The following FBXO42 variants were observed in gnomAD, a reference collection of about 807,000 sequenced individuals.
FBXO42 encodes F-box only protein 42.
FBXO42 carries 12 observed loss-of-function variants against 71.7 expected under a neutral mutation model. The ratio of observed to expected loss-of-function variants is 0.17; its 90% CI spans 0.11 to 0.27. The LOEUF is 0.27. Among genes scored for constraint, FBXO42 ranks in the 10% least tolerant of loss-of-function variants. The probability of loss-of-function intolerance (pLI) is 1.00; values close to 1 mark genes in which losing one functional copy is unlikely to be tolerated. For missense variants in FBXO42, 707 were observed against 911.9 expected (o/e 0.78, Z 2.89); for synonymous variants, 325 against 327.5 (o/e 0.99, Z 0.08).
intron 4 of FBXO42, among the ~76,000 whole-genome samples, chr1:16,291,739 A>T (rs1338010237): frequency 2.6e-5 from 4 of 151,192 alleles, no homozygotes; most frequent in Admixed American, 2.0e-4. Context: ...TGGAGCAATC[A>T]TCACTCACTG....
chr1:16,284,595 G>A (rs2082001196), intron 4 of FBXO42, among the ~76,000 whole-genome samples: 1 of 152,150 alleles, frequency 6.6e-6, no homozygotes, highest in South Asian at 2.1e-4. Context: ...ACTTTGGGAG[G>A]CCAAGATGGG....
At chr1:16,319,479 G>A (rs2082395331) in intron 1 of FBXO42, among the ~76,000 whole-genome samples, 2 of 152,200 alleles carry the variant, frequency 1.3e-5, no homozygotes, top group Non-Finnish European at 2.9e-5. Flanking sequence ...CAAATTGGTG[G>A]CTACTTGGAA....
At position 16,258,799 on chromosome 1, in the gene FBXO42, C is replaced by A. The variant is rs11260713; in HGVS notation, c.503-2040G>T. 2.6e-5 allele frequency among the ~76,000 whole-genome samples: 4 copies of A among 152,154 alleles called. No individual in the cohort carries two copies. The South Asian group carries it at 8.3e-4, about 32-fold the overall frequency. On this transcript the variant is annotated intron_variant, in intron 4 of 9. Coordinates refer to ENST00000375592, the MANE Select transcript of FBXO42 (RefSeq NM_018994.3). ...TCACCCAGGCTAGAGTGCAGTGATG[C>A]GATCATGGCTCACTGCAGCCTCGAC...
At chr1:16,319,018 T>C (rs2082392525) in intron 1 of FBXO42, among the ~76,000 whole-genome samples, 1 of 152,182 alleles carries the variant, frequency 6.6e-6, no homozygotes, top group African/African-American at 2.4e-5. Flanking sequence ...ATACATTTAT[T>C]TCTCTTGCTC....
At chr1:16,346,574 G>C (rs965749130) in intron 1 of FBXO42, among the ~76,000 whole-genome samples, 3 of 151,534 alleles carry the variant, frequency 2.0e-5, no homozygotes, top group Admixed American at 6.6e-5. Flanking sequence ...TGTAGTCCCA[G>C]CTACTGAGGA....
intron 1 of FBXO42, among the ~76,000 whole-genome samples, chr1:16,334,581 A>G (rs2082534486): frequency 6.6e-6 from 1 of 152,136 alleles, no homozygotes; most frequent in African/African-American, 2.4e-5. Context: ...ACATAATTTC[A>G]CTGCTTCATG....
At chr1:16,330,410 G>A (rs144764415) in intron 1 of FBXO42, among the ~76,000 whole-genome samples, 7 of 152,012 alleles carry the variant, frequency 4.6e-5, no homozygotes, top group Non-Finnish European at 7.4e-5. Flanking sequence ...TGGGGGCTGG[G>A]GTGGAAGGAT....
At position 16,350,756 on chromosome 1, in the gene FBXO42, AAAAAG is replaced by A. The variant is rs1400491087; in HGVS notation, c.-18+1494_-18+1498del. Among the ~76,000 whole-genome samples, 562 of 128,458 alleles carry A rather than the reference AAAAAG, an allele frequency of 4.4e-3. 2 individuals carry two copies. Among genetic ancestry groups the A allele is most frequent in the African/African-American group, 8.7e-3 (311 of 35,804 alleles). 84.3% of individuals were successfully genotyped at this position (128,458 alleles called of 152,430 possible). A position where few individuals can be genotyped will look rare whatever the true frequency, so the allele number is the denominator to read the frequency against. ...AGTGAGAAACTGCAAAAAAAAAAAAAAAAAGAAAGAAAGAAAGAAAGAAAGAAAGA... is the reference window on the plus strand; with the variant it reads ...AGTGAGAAACTGCAAAAAAAAAAAAAAAAGAAAGAAAGAAAGAAAGAAAGA... On this transcript the variant is annotated intron_variant, in intron 1 of 9. Transcript: ENST00000375592.
chr1:16,327,124 C>T (rs1198586134), intron 1 of FBXO42, among the ~76,000 whole-genome samples: 3 of 152,182 alleles, frequency 2.0e-5, no homozygotes, highest in African/African-American at 4.8e-5. Flanking sequence ...CATTAGTAGA[C>T]ACCTTAACAA....
rs554194696 is a variant in FBXO42 at position 16,260,501 on chromosome 1, G to A, written c.503-3742C>T. 4.6e-4 allele frequency among the ~76,000 whole-genome samples: 70 copies of A among 151,998 alleles called. 2 individuals are homozygous for A. In the South Asian group the frequency reaches 6.5e-3, roughly 14 times the overall value. On this transcript the variant is annotated intron_variant, in intron 4 of 9. Coordinates refer to ENST00000375592, the MANE Select transcript of FBXO42 (RefSeq NM_018994.3). Reference sequence around the variant, plus strand: ...TAGGATTACAGGTGTGAGCCACCGCGCCTGGCCCAATTACTATGCAGCTTT... The same window carrying A: ...TAGGATTACAGGTGTGAGCCACCGCACCTGGCCCAATTACTATGCAGCTTT...
At chr1:16,347,803 C>G (rs980162326) in intron 1 of FBXO42, among the ~76,000 whole-genome samples, 2 of 152,062 alleles carry the variant, frequency 1.3e-5, no homozygotes, top group Non-Finnish European at 2.9e-5. Flanking sequence ...TCCTGGCTAA[C>G]ACAGTGAAAC....
rs1205651282 is a variant in FBXO42 at position 16,249,379 on chromosome 1, G to A, written c.*1291C>T. On this transcript the variant is annotated 3_prime_UTR_variant, in exon 10 of 10. Coordinates refer to ENST00000375592, the MANE Select transcript of FBXO42 (RefSeq NM_018994.3). ...GTGCAAAGGATGGAGCTGTTTCTGA[G>A]GTCAGCCATGCGTCAAGAAGTCAAG... 6.6e-6 allele frequency: 1 copy of A among 152,126 alleles called. No homozygotes were observed. The highest frequency in any genetic ancestry group is 6.6e-5 in the Admixed American group (1 of 15,264). The allele number at this position is 152,126 out of a possible 1,614,324, so 9.4% of individuals were successfully genotyped here.
intron 4 of FBXO42, chr1:16,292,386 G>A (rs2082088247): frequency 6.6e-6 from 1 of 151,912 alleles, no homozygotes; most frequent in African/African-American, 2.4e-5. Context: ...ATATCTGTGG[G>A]CTCAAGCAAT....
At chr1:16,337,981 C>T (rs1043168556) in intron 1 of FBXO42, among the ~76,000 whole-genome samples, 14 of 148,118 alleles carry the variant, frequency 9.5e-5, no homozygotes, top group East Asian at 6.2e-4. Context: ...GAGGATTGGC[C>T]GGGCGCGGTG....
At chr1:16,317,530 A>C (rs1333233471) in intron 1 of FBXO42, among the ~76,000 whole-genome samples, 1 of 152,068 alleles carries the variant, frequency 6.6e-6, no homozygotes, top group East Asian at 1.9e-4. Flanking sequence ...TGGGATGCAG[A>C]GGTTGCAGTT....
chr1:16,318,097 G>A (rs1046454314), intron 1 of FBXO42, among the ~76,000 whole-genome samples: 20 of 152,050 alleles, frequency 1.3e-4, no homozygotes, highest in Non-Finnish European at 2.8e-4. Flanking sequence ...AATTTACTGA[G>A]CTGAATACTC....
intron 1 of FBXO42, among the ~76,000 whole-genome samples, chr1:16,350,123 A>AT (rs1317361190): frequency 6.6e-6 from 1 of 151,858 alleles, no homozygotes; most frequent in East Asian, 1.9e-4. Flanking sequence ...ATCCTAAGCT[A>AT]TTTTTTTTCT....
At chr1:16,290,992 G>C (rs185946443) in intron 4 of FBXO42, among the ~76,000 whole-genome samples, 1 of 152,278 alleles carries the variant, frequency 6.6e-6, no homozygotes, top group East Asian at 1.9e-4. Flanking sequence ...TGATGCAGCA[G>C]TATTCTCTAT....
At chr1:16,319,910 TAAAAAAAAAAAG>T (rs2082398377) in intron 1 of FBXO42, among the ~76,000 whole-genome samples, 1 of 135,286 alleles carries the variant, frequency 7.4e-6, no homozygotes, top group African/African-American at 2.7e-5. Context: ...GACTCCATCT[TAAAAAAAAAAAG>T]AAAAAGAAAA....
Sources: gnomAD v4.1 joint callset for allele counts (sites outside exome capture counted in the v4.1 genomes callset) on GRCh38, gnomAD v4.1.1 for gene constraint, MANE v1.5 for transcripts, NCBI Gene and HGNC (gene_info 2026-07-23, HGNC 2026-07-21) for gene names.